HDAC9: variants seen among roughly 807,000 people sequenced by gnomAD.
HDAC9 encodes histone deacetylase 9.
Under a neutral mutation model 139.4 loss-of-function variants are expected in HDAC9, and 41 were observed. That is an observed-to-expected ratio of 0.29 (90% CI 0.23 to 0.38). The LOEUF is 0.38. Ranked by LOEUF, HDAC9 falls within the 10% of genes least tolerant of loss-of-function variation. HDAC9 has a pLI of 1.00. For synonymous variants in HDAC9, 517 were observed against 476.2 expected, an observed-to-expected ratio of 1.09 and a Z score of -1.12; for missense variants, 1,147 against 1,297.0, an observed-to-expected ratio of 0.88 and a Z score of 1.78.
intron 1 of HDAC9, among the ~76,000 whole-genome samples, chr7:18,435,059 C>CAAA (rs376786180): frequency 0.028 from 1,911 of 67,548 alleles, 65 homozygotes; most frequent in Middle Eastern, 0.056. Flanking sequence ...ACTACACAGC[C>CAAA]AAAAAAAAAA....
intron 25 of HDAC9, among the ~76,000 whole-genome samples, chr7:18,990,766 G>T (rs561204918): frequency 6.6e-6 from 1 of 152,240 alleles, no homozygotes. Context: ...CGTTTTTTAA[G>T]CCCGTAGGAA....
chr7:18,495,901 C>T lies in HDAC9; in HGVS notation c.-164C>T, dbSNP rs1358842130. On this transcript the variant is annotated 5_prime_UTR_variant, in exon 1 of 26. The change creates a new upstream start codon in the 5' untranslated region. Transcript: ENST00000686413. Reference sequence around the variant, plus strand: ...CGTGGGTAGACTTAATAATTTTCTACGTATTCTGACAAAGAAATAACCCCG... The same window carrying T: ...CGTGGGTAGACTTAATAATTTTCTATGTATTCTGACAAAGAAATAACCCCG... 8 of 1,181,454 alleles carry T rather than the reference C, an allele frequency of 6.8e-6. No homozygotes were observed. Among genetic ancestry groups the T allele is most frequent in the East Asian group, 3.9e-5 (1 of 25,874 alleles). The allele number at this position is 1,181,454 out of a possible 1,614,324, so 73.2% of individuals were successfully genotyped here.
intron 2 of HDAC9, among the ~76,000 whole-genome samples, chr7:18,254,623 A>T (rs1203518395): frequency 1.3e-5 from 2 of 152,196 alleles, no homozygotes; most frequent in African/African-American, 2.4e-5. Flanking sequence ...GCTTGTTGGA[A>T]GTATGTAGCT....
intron 2 of HDAC9, among the ~76,000 whole-genome samples, chr7:18,178,234 C>T (rs1468918249): frequency 6.6e-6 from 1 of 152,160 alleles, no homozygotes; most frequent in Non-Finnish European, 1.5e-5. Context: ...CAGGCACATG[C>T]CACCATGCTG....
intron 1 of HDAC9, among the ~76,000 whole-genome samples, chr7:18,298,505 A>G (rs955570107): frequency 4.6e-5 from 7 of 152,024 alleles, no homozygotes; most frequent in Non-Finnish European, 8.8e-5. Context: ...TCATTGTTCA[A>G]TTCCCACCTA....
At chr7:18,287,400 C>A (rs1333863126), upstream of HDAC9, among the ~76,000 whole-genome samples, 1 of 152,318 alleles carries the variant, frequency 6.6e-6, no homozygotes, top group African/African-American at 2.4e-5. Flanking sequence ...ATACCATACT[C>A]TGACATTACA....
intron 12 of HDAC9, among the ~76,000 whole-genome samples, chr7:18,682,556 A>G (rs1471357895): frequency 6.6e-6 from 1 of 152,038 alleles, no homozygotes; most frequent in Non-Finnish European, 1.5e-5. Context: ...ATATTGGGAA[A>G]CACCCATGTT....
At chr7:18,800,240 C>T (rs1384715000) in intron 17 of HDAC9, among the ~76,000 whole-genome samples, 2 of 152,188 alleles carry the variant, frequency 1.3e-5, no homozygotes. Flanking sequence ...ATCTCTGAAT[C>T]AGTACCACAT....
intron 1 of HDAC9, among the ~76,000 whole-genome samples, chr7:18,368,069 C>T (rs1238760256): frequency 1.3e-5 from 2 of 151,858 alleles, no homozygotes; most frequent in South Asian, 2.1e-4. Flanking sequence ...GATACTAATC[C>T]CGTGTCAATT....
intron 2 of HDAC9, among the ~76,000 whole-genome samples, chr7:18,568,577 C>G (rs917472017): frequency 1.3e-5 from 2 of 152,192 alleles, no homozygotes; most frequent in African/African-American, 2.4e-5. Context: ...GTATATCAAT[C>G]TAGTGAAAAT....
intron 1 of HDAC9, among the ~76,000 whole-genome samples, chr7:18,392,508 A>C (rs1786626865): frequency 6.6e-6 from 1 of 152,068 alleles, no homozygotes; most frequent in Non-Finnish European, 1.5e-5. Context: ...GGTATTTGGT[A>C]AATGCAAACG....
At chr7:18,180,955 G>T (rs1789374159) in intron 2 of HDAC9, among the ~76,000 whole-genome samples, 1 of 152,100 alleles carries the variant, frequency 6.6e-6, no homozygotes, top group Admixed American at 6.5e-5. Context: ...TCCAGTCTTT[G>T]CCTTTGGGGT....
At chr7:18,119,509 G>A (rs143243134) in intron 1 of HDAC9, among the ~76,000 whole-genome samples, 299 of 152,296 alleles carry the variant, frequency 2.0e-3, no homozygotes, top group Non-Finnish European at 3.5e-3. Context: ...TTTGTCTCCT[G>A]TCTTCTAAAC....
chr7:18,520,248 A>G (rs972588275), intron 2 of HDAC9, among the ~76,000 whole-genome samples: 3 of 152,148 alleles, frequency 2.0e-5, no homozygotes, highest in African/African-American at 4.8e-5. Context: ...ATCATGCTAT[A>G]TTTTTCTTTT....
intron 24 of HDAC9, among the ~76,000 whole-genome samples, chr7:18,969,741 T>C (rs1784127657): frequency 6.6e-6 from 1 of 152,206 alleles, no homozygotes; most frequent in Non-Finnish European, 1.5e-5. Flanking sequence ...AATGGCATAT[T>C]ATGCAGTACA....
chr7:18,099,069 T>C (rs1055744607), intron 1 of HDAC9, among the ~76,000 whole-genome samples: 2 of 152,194 alleles, frequency 1.3e-5, no homozygotes, highest in African/African-American at 4.8e-5. Context: ...TTTTAAAATC[T>C]CCTATTTATC....
intron 6 of HDAC9, among the ~76,000 whole-genome samples, chr7:18,617,900 A>G (rs550930819): frequency 6.6e-6 from 1 of 152,336 alleles, no homozygotes; most frequent in South Asian, 2.1e-4. Context: ...TTGCAATAAC[A>G]TTTTGGAGGT....
intron 6 of HDAC9, among the ~76,000 whole-genome samples, chr7:18,608,666 A>G (rs184764018): frequency 6.6e-6 from 1 of 152,306 alleles, no homozygotes; most frequent in East Asian, 1.9e-4. Context: ...GTTCATCCCA[A>G]TTAGATGATA....
intron 2 of HDAC9, among the ~76,000 whole-genome samples, chr7:18,215,254 A>G (rs568314185): frequency 3.3e-5 from 5 of 152,292 alleles, no homozygotes; most frequent in African/African-American, 7.2e-5. Context: ...GGCCAGTCGA[A>G]AAAAGCATTT....
Sources: gnomAD v4.1 joint callset for allele counts (sites outside exome capture counted in the v4.1 genomes callset) on GRCh38, gnomAD v4.1.1 for gene constraint, MANE v1.5 for transcripts, NCBI Gene and HGNC (gene_info 2026-07-23, HGNC 2026-07-21) for gene names.